Variants in FAM149B1 observed in about 807,000 individuals in gnomAD.
FAM149B1 encodes family with sequence similarity 149 member B1.
Under a neutral mutation model 75.3 loss-of-function variants are expected in FAM149B1, and 56 were observed. The ratio of observed to expected loss-of-function variants is 0.74; its 90% CI spans 0.60 to 0.93. The LOEUF (loss-of-function observed/expected upper bound fraction) is 0.93, where lower values mean the gene tolerates loss of function less well. Ranked by LOEUF, FAM149B1 falls within the 40% of genes least tolerant of loss-of-function variation. The probability of loss-of-function intolerance (pLI) is 0.00; values close to 1 mark genes in which losing one functional copy is unlikely to be tolerated. For missense variants in FAM149B1, 639 were observed against 708.4 expected, an observed-to-expected ratio of 0.90 and a Z score of 1.11; for synonymous variants, 259 against 256.1, an observed-to-expected ratio of 1.01 and a Z score of -0.11.
intron 7 of FAM149B1, among the ~76,000 whole-genome samples, chr10:73,212,483 T>C (rs558670743): frequency 4.4e-4 from 67 of 152,150 alleles, no homozygotes; most frequent in Non-Finnish European, 7.4e-4. Context: ...GGTTTTGCCA[T>C]GTTGTTGGTC....
chr10:73,173,908 G>C (rs1484167347), intron 1 of FAM149B1, among the ~76,000 whole-genome samples: 1 of 152,114 alleles, frequency 6.6e-6, no homozygotes, highest in African/African-American at 2.4e-5. Context: ...TGTTGTTCAA[G>C]GTCAACTGTA....
intron 5 of FAM149B1, among the ~76,000 whole-genome samples, chr10:73,208,201 A>G (rs1309546867): frequency 6.6e-6 from 1 of 152,188 alleles, no homozygotes; most frequent in African/African-American, 2.4e-5. Context: ...TCCTGCTCCC[A>G]CTTAACATTC....
chr10:73,182,589 A>G (rs1048074197), intron 3 of FAM149B1, among the ~76,000 whole-genome samples: 2 of 152,160 alleles, frequency 1.3e-5, no homozygotes, highest in African/African-American at 4.8e-5. Context: ...TGAATGGTGG[A>G]CCTCAGAATC....
intron 2 of FAM149B1, among the ~76,000 whole-genome samples, chr10:73,176,822 T>A (rs1589134990): frequency 6.7e-6 from 1 of 149,584 alleles, no homozygotes; most frequent in African/African-American, 2.5e-5. Context: ...AGGTCAGGAG[T>A]TCAAGACCAG....
chr10:73,223,381 C>T (rs1287416621), intron 7 of FAM149B1, among the ~76,000 whole-genome samples: 2 of 152,118 alleles, frequency 1.3e-5, no homozygotes, highest in African/African-American at 2.4e-5. Context: ...ATGTTTTGCT[C>T]GCAACAAGTT....
chr10:73,215,298 G>T (rs7901429), intron 7 of FAM149B1, among the ~76,000 whole-genome samples: 35,846 of 152,114 alleles, frequency 0.24, 8,820 homozygotes, highest in African/African-American at 0.62. Flanking sequence ...GTACTGAGAT[G>T]ACAGGCATGA....
intron 5 of FAM149B1, among the ~76,000 whole-genome samples, chr10:73,195,586 G>A (rs1186141414): frequency 2.0e-5 from 3 of 152,094 alleles, no homozygotes; most frequent in Non-Finnish European, 4.4e-5. Flanking sequence ...TCAATGGTAG[G>A]CCCATTTAGA....
intron 12 of FAM149B1, 195 bp from the exon 13 acceptor site, chr10:73,239,113 CAATA>C (rs1454122553): frequency 2.0e-6 from 1 of 507,676 alleles, no homozygotes; most frequent in Admixed American, 3.4e-5. Flanking sequence ...GCAATTTTTA[CAATA>C]AATGGCTTTG....
intron 8 of FAM149B1, among the ~76,000 whole-genome samples, chr10:73,228,923 G>T (rs1447383752): frequency 6.6e-6 from 1 of 152,080 alleles, no homozygotes; most frequent in Non-Finnish European, 1.5e-5. Context: ...AGAGAGAGGA[G>T]TCTCACTATG....
chr10:73,187,391 TAAAAA>T (rs773682735), intron 3 of FAM149B1, among the ~76,000 whole-genome samples: 1 of 80,994 alleles, frequency 1.2e-5, no homozygotes, highest in South Asian at 3.8e-4. Flanking sequence ...TCCAGATTAG[TAAAAA>T]AAAAAAAAAA....
At chr10:73,209,781 T>A (rs1670324560) in intron 6 of FAM149B1, among the ~76,000 whole-genome samples, 1 of 152,264 alleles carries the variant, frequency 6.6e-6, no homozygotes. Flanking sequence ...GATTTGATAG[T>A]CACAGCAGCA....
At chr10:73,207,547 G>A (rs567539717) in intron 5 of FAM149B1, among the ~76,000 whole-genome samples, 1 of 151,774 alleles carries the variant, frequency 6.6e-6, no homozygotes, top group East Asian at 1.9e-4. Flanking sequence ...CTGGGCGACA[G>A]AACGAGACTC....
chr10:73,226,073 T>C (rs573704487), intron 7 of FAM149B1, among the ~76,000 whole-genome samples: 18 of 151,876 alleles, frequency 1.2e-4, no homozygotes, highest in African/African-American at 4.4e-4. Flanking sequence ...TGTAAAATGG[T>C]AAGTCATGTG....
chr10:73,236,430 T>G (rs1589196450), intron 12 of FAM149B1, among the ~76,000 whole-genome samples: 1 of 151,414 alleles, frequency 6.6e-6, no homozygotes, highest in African/African-American at 2.4e-5. Context: ...TTTTTTTTTT[T>G]TGAGACGGAG....
At chr10:73,198,116 C>G (rs1471431729) in intron 5 of FAM149B1, among the ~76,000 whole-genome samples, 1 of 152,212 alleles carries the variant, frequency 6.6e-6, no homozygotes, top group Non-Finnish European at 1.5e-5. Context: ...AAAGGACAGT[C>G]TCTTTAACAG....
At chr10:73,200,851 A>G in intron 5 of FAM149B1, 1 of 511,370 alleles carries the variant, frequency 2.0e-6, no homozygotes, top group Non-Finnish European at 4.0e-6. Context: ...TCTCAATACA[A>G]GGTGCAAGGT....
chr10:73,237,337 C>T (rs2043843735), intron 12 of FAM149B1, among the ~76,000 whole-genome samples: 2 of 152,162 alleles, frequency 1.3e-5, no homozygotes. Flanking sequence ...AGAACTTCTA[C>T]TGAATTTGCC....
At chr10:73,220,543 T>C (rs1005342001) in intron 7 of FAM149B1, among the ~76,000 whole-genome samples, 1 of 152,150 alleles carries the variant, frequency 6.6e-6, no homozygotes, top group African/African-American at 2.4e-5. Context: ...ATGAACAAAA[T>C]TGGGTTTATC....
chr10:73,204,938 T>C (rs1030344938), intron 5 of FAM149B1, among the ~76,000 whole-genome samples: 2 of 125,034 alleles, frequency 1.6e-5, no homozygotes, highest in African/African-American at 5.9e-5. Flanking sequence ...CCACCATGCC[T>C]GGCTAATTTT....
Sources: gnomAD v4.1 joint callset for allele counts (sites outside exome capture counted in the v4.1 genomes callset) on GRCh38, gnomAD v4.1.1 for gene constraint, MANE v1.5 for transcripts, NCBI Gene and HGNC (gene_info 2026-07-23, HGNC 2026-07-21) for gene names.